Variants in TNXB observed in about 807,000 individuals in gnomAD.
TNXB encodes the protein tenascin-X.
A neutral mutation model predicts 340.5 loss-of-function variants in TNXB; 183 were observed. The observed-to-expected ratio is 0.54, with a 90% confidence interval of 0.48 to 0.61. The LOEUF (loss-of-function observed/expected upper bound fraction) is 0.61. Ranked by LOEUF, TNXB falls within the 20% of genes least tolerant of loss-of-function variation. The pLI is 0.00. For synonymous variants in TNXB, 2,121 were observed against 2,314.5 expected (o/e 0.92, Z 2.40); for missense variants, 4,613 against 5,446.4 (o/e 0.85, Z 4.82).
Position 32,069,974 on chromosome 6 carries a change from C to G in TNXB, c.5279-113G>C, listed in dbSNP as rs550441647. 2.2e-6 allele frequency: 3 copies of G among 1,380,314 alleles called. No homozygotes were observed. Among genetic ancestry groups the G allele is most frequent in the Non-Finnish European group, 2.9e-6 (3 of 1,039,248 alleles). The allele number at this position is 1,380,314 out of a possible 1,614,324, so 85.5% of individuals were successfully genotyped here. A position where few individuals can be genotyped will look rare whatever the true frequency, so the allele number is the denominator to read the frequency against. On this transcript the variant is annotated intron_variant, in intron 14 of 43. Coordinates refer to ENST00000644971, the MANE Select transcript of TNXB (RefSeq NM_001365276.2). This position sits in a 1 kb window ranked among gnomAD's most constrained non-coding sequence, Gnocchi z 6.2. ...AGGGCTTTGCGTGGCTGAGTCCTGC[C>G]GGGCTGTGCTAGGGGCTTGTGCAGG...
At position 32,073,546 on chromosome 6, in the gene TNXB, A is replaced by C. The variant is rs1360891324; in HGVS notation, c.4681+101T>G. On this transcript the variant is annotated intron_variant, in intron 12 of 43. Transcript: ENST00000644971. This position sits in a 1 kb window ranked among gnomAD's most constrained non-coding sequence, Gnocchi z 4.6. Reference sequence around the variant, plus strand: ...AGGGCCTGAGGGGATCTAGCCCCTCAGTGAGGGTGCGGTGGTACCAAGGCA... The same window carrying C: ...AGGGCCTGAGGGGATCTAGCCCCTCCGTGAGGGTGCGGTGGTACCAAGGCA... The C allele has an allele frequency of 9.2e-7, 1 of 1,081,922 alleles. No homozygotes were observed. The highest frequency in any genetic ancestry group is 2.3e-5 in the Admixed American group (1 of 42,638). 67.0% of individuals were successfully genotyped at this position (1,081,922 alleles called of 1,614,324 possible). A position where few individuals can be genotyped will look rare whatever the true frequency, so the allele number is the denominator to read the frequency against.
At chr6:32,088,710 T>C in intron 6 of TNXB, 75 bp downstream of exon 6, 3 of 1,513,508 alleles carry the variant, frequency 2.0e-6, no homozygotes, top group Non-Finnish European at 2.7e-6. Flanking sequence ...CTGTGAGCCC[T>C]GAGCCTGGGC....
In TNXB at chr6:32,056,915, C is replaced by A; in HGVS notation, c.7826-12G>T. On this transcript the variant is annotated splice_polypyrimidine_tract_variant and intron_variant, in intron 22 of 43. Transcript: ENST00000644971. ...CTCGGCTTCATCCTCTGGAGTTGGA[C>A]AGACACGTGTGGGGACAGTGAGGTC... is the stretch of plus-strand genomic sequence containing the variant. 6.2e-7 allele frequency: 1 copy of A among 1,609,716 alleles called. No homozygotes were observed. Among genetic ancestry groups the A allele is most frequent in the South Asian group, 1.1e-5 (1 of 91,038 alleles).
In TNXB at chr6:32,058,185, C is replaced by A. The variant is rs1235549505; in HGVS notation, c.7698G>T (p.Val2566=). The A allele has an allele frequency of 6.2e-7, 1 of 1,612,448 alleles. No homozygotes were observed. The highest frequency in any genetic ancestry group is 8.5e-7 in the Non-Finnish European group (1 of 1,179,856). ...YKDRDGRPQA[V]RVGGQESKVT... is the part of the protein sequence containing the mutation. ...CCTTGCTCTCCTGGCCCCCAACACG[C>A]ACCGCCTGGGGCCGCCCGTCCCTGT... Residue 2566 remains valine, a synonymous_variant, in exon 22 of 44, where the codon GTG becomes GTT. Coordinates refer to ENST00000644971, the MANE Select transcript of TNXB (RefSeq NM_001365276.2). This position sits in a 1 kb window ranked among gnomAD's most constrained non-coding sequence, Gnocchi z 5.1.
intron 11 of TNXB, among the ~76,000 whole-genome samples, chr6:32,076,374 C>T (rs1209130985): frequency 6.6e-6 from 1 of 152,232 alleles, no homozygotes; most frequent in Non-Finnish European, 1.5e-5. Flanking sequence ...CCAGACACAG[C>T]CCCCAGCTTG....
Position 32,069,822 on chromosome 6 carries a change from G to A in TNXB, c.5318C>T (p.Pro1773Leu), listed in dbSNP as rs1778651040. The change falls in exon 15 of 44, where the codon CCC becomes CTC. Residue 1773 changes from proline to leucine, a missense_variant. This residue lies in a region of TNXB where 4,327 missense variants were observed against 4,859.4 expected (regional missense o/e 0.89). Coordinates refer to ENST00000644971, the MANE Select transcript of TNXB (RefSeq NM_001365276.2). The surrounding 1 kb of genome is among the most constrained non-coding windows in gnomAD (Gnocchi z 6.2). ...SAMDDTGTKRPPKPRLGEELQ... is the reference protein window; with the variant it reads ...SAMDDTGTKRLPKPRLGEELQ... The stretch of plus-strand genomic sequence containing the variant: ...CTCCTCCCCCAGACGGGGTTTTGGG[G>A]GACGCTTTGTTCCAGTATCATCCAT... 3.7e-6 allele frequency: 6 copies of A among 1,609,162 alleles called. No homozygotes were observed.
intron 1 of TNXB, among the ~76,000 whole-genome samples, chr6:32,105,482 A>T (rs761118049): frequency 6.6e-6 from 1 of 151,500 alleles, no homozygotes; most frequent in Non-Finnish European, 1.5e-5. Flanking sequence ...CATGGCACCT[A>T]TTTTTTTTTC....
At chr6:32,055,090 C>A (rs1440528539) in intron 24 of TNXB, among the ~76,000 whole-genome samples, 3 of 152,164 alleles carry the variant, frequency 2.0e-5, no homozygotes, top group Non-Finnish European at 4.4e-5. Context: ...CTCTAGTTGA[C>A]CTCCCCAAAG....
Position 32,087,620 on chromosome 6 carries a change from G to A in TNXB, c.2779+1165C>T, listed in dbSNP as rs967383882. ...GGATCAGGGCTGGCGGTGGGGCGGG[G>A]GTGGCGGGGCGGGGGTGCGGGGGAG... is the stretch of plus-strand genomic sequence containing the variant. On this transcript the variant is annotated intron_variant, in intron 6 of 43. Coordinates refer to ENST00000644971, the MANE Select transcript of TNXB (RefSeq NM_001365276.2). This position sits in a 1 kb window ranked among gnomAD's most constrained non-coding sequence, Gnocchi z 9.0. 5.1e-6 allele frequency: 2 copies of A among 395,904 alleles called. No individual in the cohort carries two copies. The highest frequency in any genetic ancestry group is 1.0e-5 in the Non-Finnish European group (2 of 197,102). 24.5% of individuals were successfully genotyped at this position (395,904 alleles called of 1,614,324 possible).
Position 32,096,239 on chromosome 6 carries a change from G to C in TNXB, c.1614C>G (p.Cys538Trp). 2 of 1,568,614 alleles carry C rather than the reference G, an allele frequency of 1.3e-6. No individual in the cohort carries two copies. Among genetic ancestry groups the C allele is most frequent in the South Asian group, 1.2e-5 (1 of 85,892 alleles). The change falls in exon 3 of 44, where the codon TGC becomes TGG. Residue 538 changes from cysteine to tryptophan, a missense_variant. Cys to Trp is a radical substitution (Grantham distance 215, BLOSUM62 -2). Coordinates refer to ENST00000644971, the MANE Select transcript of TNXB (RefSeq NM_001365276.2). ...CGTCACACACGCACACGCCATCCTC[G>C]CAAAGGCCGTGCCCACGGCAGTCCC... The part of the protein sequence containing the change: ...CPGDCRGHGL[C>W]EDGVCVCDAG...
In TNXB at chr6:32,089,330, G is replaced by A. The variant is rs2127273900; in HGVS notation, c.2408C>T (p.Ser803Leu). ...PFTARVPSSA[S>L]AYDQRGLAPG... Reference sequence around the variant, plus strand: ...GGCCAGTCCTCTCTGGTCATAGGCTGAGGCAGAGCTTGGAACCCGTGCTGT... The same window carrying A: ...GGCCAGTCCTCTCTGGTCATAGGCTAAGGCAGAGCTTGGAACCCGTGCTGT... The change falls in exon 5 of 44, where the codon TCA (serine) becomes TTA (leucine). Residue 803 changes from serine to leucine, a missense_variant. Transcript: ENST00000644971. The surrounding 1 kb of genome is among the most constrained non-coding windows in gnomAD (Gnocchi z 6.2). 6.2e-7 allele frequency: 1 copy of A among 1,608,348 alleles called. No homozygotes were observed. The highest frequency in any genetic ancestry group is 8.5e-7 in the Non-Finnish European group (1 of 1,178,284).
Position 32,098,125 on chromosome 6 carries a change from G to C in TNXB, c.74C>G (p.Pro25Arg), listed in dbSNP as rs1727980854. Reference sequence around the variant, plus strand: ...TGTCACATTGGACCGTGAAGAGAAGGGGCCTGCTCTGGCTGTGCTCAGCAG... The same window carrying C: ...TGTCACATTGGACCGTGAAGAGAAGCGGCCTGCTCTGGCTGTGCTCAGCAG... Reference protein sequence around the residue: ...LVLLSTARAGPFSSRSNVTLP... With the variant: ...LVLLSTARAGRFSSRSNVTLP... The change falls in exon 2 of 44, where the codon CCC becomes CGC. Residue 25 changes from proline to arginine, a missense_variant. Pro to Arg is a moderately radical substitution (Grantham distance 103). This residue lies in a region of TNXB where 4,327 missense variants were observed against 4,859.4 expected (regional missense o/e 0.89). Coordinates refer to ENST00000644971, the MANE Select transcript of TNXB (RefSeq NM_001365276.2). The C allele has an allele frequency of 6.3e-7, 1 of 1,593,818 alleles. No individual in the cohort carries two copies. Among genetic ancestry groups the C allele is most frequent in the African/African-American group, 1.3e-5 (1 of 74,606 alleles).
At chr6:32,071,864 G>C in intron 13 of TNXB, 126 bp downstream of exon 13, 1 of 844,648 alleles carries the variant, frequency 1.2e-6, no homozygotes, top group Non-Finnish European at 1.8e-6. Flanking sequence ...GAGTCACTGT[G>C]CTAGCCCCAT....
chr6:32,053,881 AC>A (rs1777463862), intron 24 of TNXB, among the ~76,000 whole-genome samples, 170 bp from the exon 25 acceptor site: 1 of 135,268 alleles, frequency 7.4e-6, no homozygotes, highest in Admixed American at 7.4e-5. Context: ...CCTCACCCTG[AC>A]CCCCCTGCCC....
Position 32,062,161 on chromosome 6 carries a change from C to T in TNXB, c.7164G>A (p.Val2388=), listed in dbSNP as rs768286801. ...QRVGPVSAIG[V]TAAEEETPSP... ...GGGCTCCCATCGTCCACTCACCTGT[C>T]ACCCCGATGGCAGACACGGGGCCCA... The change falls in exon 20 of 44, where the codon GTG becomes GTA. Residue 2388 remains valine, a synonymous_variant. Coordinates refer to ENST00000644971, the MANE Select transcript of TNXB (RefSeq NM_001365276.2). This position sits in a 1 kb window ranked among gnomAD's most constrained non-coding sequence, Gnocchi z 4.3. 71 of 1,610,152 alleles carry T rather than the reference C, an allele frequency of 4.4e-5. No individual in the cohort carries two copies. The African/African-American group carries it at 8.9e-4, about 20-fold the overall frequency.
intron 24 of TNXB, among the ~76,000 whole-genome samples, chr6:32,054,697 T>C (rs999460784): frequency 1.3e-5 from 2 of 152,166 alleles, no homozygotes; most frequent in Non-Finnish European, 2.9e-5. Flanking sequence ...ACTTTCCGGT[T>C]TTCTGCTTGT....
chr6:32,088,825 GC>G lies in TNXB; in HGVS notation c.2738del (p.Gly913AlafsTer54). 1.9e-6 allele frequency: 3 copies of G among 1,580,382 alleles called. No individual in the cohort carries two copies. Among genetic ancestry groups the G allele is most frequent in the Admixed American group, 1.8e-5 (1 of 54,988 alleles). ...EYVVTVTAER[G>X]RAVSYPASVR... The stretch of plus-strand genomic sequence containing the variant: ...CAGAAGCTGGGTAGCTGACTGCCCG[GC>G]CCCGCTCCGCTGTGACAGTCACCAC... On this transcript the variant is annotated frameshift_variant, in exon 6 of 44. Transcript: ENST00000644971. LOFTEE classifies it high-confidence loss of function.
chr6:32,077,169 C>G (rs1380960997), intron 11 of TNXB, among the ~76,000 whole-genome samples: 1 of 152,138 alleles, frequency 6.6e-6, no homozygotes, highest in Non-Finnish European at 1.5e-5. Flanking sequence ...CAGTGTGGGT[C>G]CCTGGGACAG....
chr6:32,096,972 C>T lies in TNXB; in HGVS notation c.881G>A (p.Arg294His), dbSNP rs757817268. Residue 294 changes from arginine (R) to histidine (H), a missense_variant, in exon 3 of 44, where the codon CGC becomes CAC. Arg to His is a conservative substitution (Grantham distance 29, BLOSUM62 0). This residue lies in a region of TNXB where 4,327 missense variants were observed against 4,859.4 expected (regional missense o/e 0.89). Coordinates refer to ENST00000644971, the MANE Select transcript of TNXB (RefSeq NM_001365276.2). The stretch of plus-strand genomic sequence containing the variant: ...AGTGTAGCCGGGGTTACACACGCAG[C>T]GCCCATTCTCACAGCGCCCCCTCTG... ...CSQRGRCENG[R>H]CVCNPGYTGE... The T allele has an allele frequency of 3.4e-5, 54 of 1,605,570 alleles. No individual in the cohort carries two copies. Among genetic ancestry groups the T allele is most frequent in the African/African-American group, 5.3e-5 (4 of 74,786 alleles).
Sources: allele counts gnomAD v4.1 joint callset (sites outside exome capture counted in the v4.1 genomes callset), GRCh38; gene constraint gnomAD v4.1.1; regional missense constraint gnomAD v4.1.1; non-coding constraint Gnocchi (gnomAD v3.1); transcripts MANE v1.5; gene names NCBI Gene and HGNC (gene_info 2026-07-23, HGNC 2026-07-21).